The following KLF11 variants were observed in gnomAD, a reference collection of about 807,000 sequenced individuals.
KLF11 encodes KLF transcription factor 11.
Under a neutral mutation model 29.9 loss-of-function variants are expected in KLF11, and 26 were observed. The ratio of observed to expected loss-of-function variants is 0.87; its 90% CI spans 0.64 to 1.21. The LOEUF (loss-of-function observed/expected upper bound fraction) is 1.21. Ranked by LOEUF, KLF11 falls within the 50% of genes most tolerant of loss-of-function variation. The pLI is 0.00. For missense variants in KLF11, 778 were observed against 665.7 expected (o/e 1.17, Z -1.86); for synonymous variants, 318 against 257.4 (o/e 1.24, Z -2.25).
chr2:10,047,622 C>A (rs200811754), intron 2 of KLF11, 28 bp from the exon 3 acceptor site: 55 of 1,581,708 alleles, frequency 3.5e-5, no homozygotes, highest in East Asian at 1.8e-4. Context: ...TTTAAAGCAA[C>A]CTTTTAACAT....
At chr2:10,045,166 C>A (rs1341377982) in intron 1 of KLF11, among the ~76,000 whole-genome samples, 1 of 150,356 alleles carries the variant, frequency 6.7e-6, no homozygotes, top group African/African-American at 2.5e-5. Flanking sequence ...GGCCGGGCGC[C>A]TGTAATCCCA....
chr2:10,051,243 C>G (rs1661395340), intron 3 of KLF11, among the ~76,000 whole-genome samples: 1 of 149,970 alleles, frequency 6.7e-6, no homozygotes, highest in Non-Finnish European at 1.5e-5. Flanking sequence ...GACAGTCTCA[C>G]TCTCACCCAG....
rs1661443153 is a variant in KLF11 at position 10,052,619 on chromosome 2, A to G, written c.*112A>G. On this transcript the variant is annotated 3_prime_UTR_variant, in exon 4 of 4. Transcript: ENST00000305883. ...CCAAAAAAAACGGTCTTGGCGGCCTAGGGGAAGATCGGGGAGCTGGTTTTG... is the reference window on the plus strand; with the variant it reads ...CCAAAAAAAACGGTCTTGGCGGCCTGGGGGAAGATCGGGGAGCTGGTTTTG... The G allele has an allele frequency of 8.7e-7, 1 of 1,144,136 alleles. No individual in the cohort carries two copies. Among genetic ancestry groups the G allele is most frequent in the Admixed American group, 2.0e-5 (1 of 49,738 alleles). The allele number at this position is 1,144,136 out of a possible 1,614,324, so 70.9% of individuals were successfully genotyped here. A position where few individuals can be genotyped will look rare whatever the true frequency, so the allele number is the denominator to read the frequency against.
chr2:10,046,692 T>C lies in KLF11; in HGVS notation c.312+273T>C, dbSNP rs1364401984. ...CAACATGGTGAAACCTCATCTCTAC[T>C]AAAAGTACAAAATTTATCCGGGTGT... On this transcript the variant is annotated intron_variant, in intron 2 of 3. Transcript: ENST00000305883. 3.9e-5 allele frequency among the ~76,000 whole-genome samples: 6 copies of C among 152,180 alleles called. No homozygotes were observed. In the East Asian group the frequency reaches 1.2e-3, roughly 29 times the overall value.
rs1173635665 is a variant in KLF11 at position 10,054,156 on chromosome 2, CGT to C, written c.*1652_*1653del. On this transcript the variant is annotated 3_prime_UTR_variant, in exon 4 of 4. Coordinates refer to ENST00000305883, the MANE Select transcript of KLF11 (RefSeq NM_003597.5). ...GTCTGGACACTCCATAGGTGAGTGT[CGT>C]GTCTTCGTGAGACAGCACAGTTGTC... The C allele has an allele frequency of 2.6e-5, 4 of 152,134 alleles. No individual in the cohort carries two copies. The highest frequency in any genetic ancestry group is 5.9e-5 in the Non-Finnish European group (4 of 68,036). The allele number at this position is 152,134 out of a possible 1,614,324, so 9.4% of individuals were successfully genotyped here.
chr2:10,044,538 G>A (rs1326644130), intron 1 of KLF11: 4 of 724,578 alleles, frequency 5.5e-6, no homozygotes, highest in African/African-American at 3.8e-5. Context: ...ATTTGAGGTG[G>A]CCTCGTCTTG....
At position 10,052,834 on chromosome 2, in the gene KLF11, T is replaced by C. The variant is rs1265597625; in HGVS notation, c.*327T>C. 3 of 382,818 alleles carry C rather than the reference T, an allele frequency of 7.8e-6. No individual in the cohort carries two copies. The highest frequency in any genetic ancestry group is 6.2e-5 in the African/African-American group (3 of 48,430). The allele number at this position is 382,818 out of a possible 1,614,324, so 23.7% of individuals were successfully genotyped here. A position where few individuals can be genotyped will look rare whatever the true frequency, so the allele number is the denominator to read the frequency against. On this transcript the variant is annotated 3_prime_UTR_variant, in exon 4 of 4. Coordinates refer to ENST00000305883, the MANE Select transcript of KLF11 (RefSeq NM_003597.5). ...ATCTGGATTTTTACAACCTTTTCTA[T>C]TGATGTTTTGTAGAAATAAGACAGG...
At chr2:10,045,643 C>T (rs754544265) in intron 1 of KLF11, among the ~76,000 whole-genome samples, 1 of 152,238 alleles carries the variant, frequency 6.6e-6, no homozygotes, top group Non-Finnish European at 1.5e-5. Context: ...GCCCTACCTG[C>T]GTGGAGTGCT....
At chr2:10,044,199 G>T in intron 1 of KLF11, 13 of 918,366 alleles carry the variant, frequency 1.4e-5, no homozygotes, top group Non-Finnish European at 1.7e-5. Context: ...CGGGTTAAGA[G>T]CGGCTAGCGG....
In KLF11 at chr2:10,047,982, G is replaced by A. The variant is rs765000928; in HGVS notation, c.645G>A (p.Gln215=). The change falls in exon 3 of 4, where the codon CAG becomes CAA. Residue 215 remains glutamine, a synonymous_variant. Transcript: ENST00000305883. ...EQLLGHFETL[Q]DTHLTDSLLS... Reference sequence around the variant, plus strand: ...TTCTGGGACACTTTGAAACTTTGCAGGACACACACCTCACGGACAGTTTAC... The same window carrying A: ...TTCTGGGACACTTTGAAACTTTGCAAGACACACACCTCACGGACAGTTTAC... The A allele has an allele frequency of 1.7e-5, 28 of 1,613,954 alleles. No homozygotes were observed. The highest frequency in any genetic ancestry group is 2.4e-5 in the Non-Finnish European group (28 of 1,180,046).
rs535582809 is a variant in KLF11, at chr2:10,044,005, G to A, written c.42+247G>A. The A allele has an allele frequency of 2.6e-4, 200 of 767,940 alleles. 1 individual carries two copies. In the African/African-American group the frequency reaches 3.6e-3, roughly 14 times the overall value. The allele number at this position is 767,940 out of a possible 1,614,324, so 47.6% of individuals were successfully genotyped here. On this transcript the variant is annotated intron_variant, in intron 1 of 3. Transcript: ENST00000305883. ...GCGCAGCTTTGTCTTGCGCTTCCTG[G>A]GCGGCCCCGCCCCGCTGGCCCCGCG...
rs758531568 is a variant in KLF11 at position 10,047,918 on chromosome 2, A to T, written c.581A>T (p.Asp194Val). 2 of 1,613,802 alleles carry T rather than the reference A, an allele frequency of 1.2e-6. No homozygotes were observed. The highest frequency in any genetic ancestry group is 2.2e-5 in the South Asian group (2 of 91,084). The change falls in exon 3 of 4, where the codon GAT (aspartate) becomes GTT (valine). Residue 194 changes from aspartate to valine, a missense_variant. Asp to Val is a radical substitution (Grantham distance 152). Coordinates refer to ENST00000305883, the MANE Select transcript of KLF11 (RefSeq NM_003597.5). Reference protein sequence around the residue: ...AACFPTIQTPDCRLSDSREGE... With the variant: ...AACFPTIQTPVCRLSDSREGE... Reference sequence around the variant, plus strand: ...TGCTTTCCCACCATCCAGACTCCAGATTGCCGGCTTTCTGACAGCAGAGAA... The same window carrying T: ...TGCTTTCCCACCATCCAGACTCCAGTTTGCCGGCTTTCTGACAGCAGAGAA...
chr2:10,044,018 C>A, intron 1 of KLF11: 2 of 724,232 alleles, frequency 2.8e-6, no homozygotes, highest in Non-Finnish European at 1.7e-6. Flanking sequence ...GGCCCCGCCC[C>A]GCTGGCCCCG....
At chr2:10,051,127 C>T (rs1572444973) in intron 3 of KLF11, among the ~76,000 whole-genome samples, 1 of 151,790 alleles carries the variant, frequency 6.6e-6, no homozygotes, top group Admixed American at 6.6e-5. Flanking sequence ...TCAGGATGGT[C>T]TCCATCTCCT....
intron 1 of KLF11, among the ~76,000 whole-genome samples, chr2:10,045,278 T>C (rs1661156269): frequency 1.3e-5 from 2 of 151,186 alleles, no homozygotes; most frequent in South Asian, 4.2e-4. Context: ...ATACGAAATT[T>C]TCTGGGCGTG....
intron 1 of KLF11, 106 bp downstream of exon 1, chr2:10,043,864 C>G (rs1250027160): frequency 8.7e-7 from 1 of 1,147,392 alleles, no homozygotes; most frequent in South Asian, 2.3e-5. Context: ...GTGGGGCGTG[C>G]AGGGCTTCGC....
chr2:10,046,577 C>T (rs1485720666), intron 2 of KLF11, among the ~76,000 whole-genome samples, 158 bp downstream of exon 2: 1 of 152,186 alleles, frequency 6.6e-6, no homozygotes, highest in Non-Finnish European at 1.5e-5. Context: ...CTTCCTTTGG[C>T]CAGGCATGGT....
At chr2:10,044,009 GC>G in intron 1 of KLF11, 1 of 753,418 alleles carries the variant, frequency 1.3e-6, no homozygotes. Context: ...TTCCTGGGCG[GC>G]CCCGCCCCGC....
At chr2:10,045,528 G>A (rs953855688) in intron 1 of KLF11, among the ~76,000 whole-genome samples, 5 of 152,120 alleles carry the variant, frequency 3.3e-5, no homozygotes, top group Non-Finnish European at 7.4e-5. Context: ...GATCCTCTCC[G>A]GGTTCGCGGC....
Sources: allele counts gnomAD v4.1 joint callset (sites outside exome capture counted in the v4.1 genomes callset), GRCh38; gene constraint gnomAD v4.1.1; transcripts MANE v1.5; gene names NCBI Gene and HGNC (gene_info 2026-07-23, HGNC 2026-07-21).